Variants in CACNG3 observed in about 807,000 individuals in gnomAD.
The protein encoded by CACNG3 is voltage-dependent calcium channel gamma-3 subunit.
A neutral mutation model predicts 28.5 loss-of-function variants in CACNG3; 3 were observed. That is an observed-to-expected ratio of 0.11 (90% CI 0.05 to 0.27). The LOEUF is 0.27. Ranked by LOEUF, CACNG3 falls within the 10% of genes least tolerant of loss-of-function variation. The pLI, the probability that CACNG3 is intolerant of heterozygous loss-of-function variation, is 1.00. For missense variants in CACNG3, 236 were observed against 414.4 expected (o/e 0.57, Z 3.74); for synonymous variants, 174 against 162.2 (o/e 1.07, Z -0.55).
intron 1 of CACNG3, among the ~76,000 whole-genome samples, chr16:24,313,137 T>C (rs1347369425): frequency 6.7e-6 from 1 of 149,730 alleles, no homozygotes; most frequent in Non-Finnish European, 1.5e-5. Flanking sequence ...AAGCACTGAA[T>C]AAATAGTAAT....
intron 1 of CACNG3, among the ~76,000 whole-genome samples, chr16:24,319,065 C>T (rs939715255): frequency 2.0e-5 from 3 of 152,310 alleles, no homozygotes; most frequent in African/African-American, 7.2e-5. Flanking sequence ...CAGAGATACT[C>T]ACTTTCCATT....
chr16:24,346,454 T>C (rs1899868404), intron 1 of CACNG3, among the ~76,000 whole-genome samples: 2 of 152,296 alleles, frequency 1.3e-5, no homozygotes, highest in South Asian at 4.1e-4. Context: ...GGCACATGCC[T>C]ATAGTCCCAG....
chr16:24,270,804 T>C (rs1460521594), intron 1 of CACNG3, among the ~76,000 whole-genome samples: 3 of 152,208 alleles, frequency 2.0e-5, no homozygotes, highest in South Asian at 4.1e-4. Context: ...GATGAAATTG[T>C]AAATGGTGTG....
rs956009086 is a variant in CACNG3, at chr16:24,361,866, T to C, written c.*3T>C. 5.0e-6 allele frequency: 8 copies of C among 1,593,448 alleles called. No individual in the cohort carries two copies. Among genetic ancestry groups the C allele is most frequent in the Non-Finnish European group, 6.8e-6 (8 of 1,173,164 alleles). ...ACAGGCGCACCACGCCCGTCTGAAC[T>C]GACCTCTGACCTCTGCCCCACGCCC... On this transcript the variant is annotated 3_prime_UTR_variant, in exon 4 of 4. Transcript: ENST00000005284. The surrounding 1 kb of genome is among the most constrained non-coding windows in gnomAD (Gnocchi z 6.8).
intron 1 of CACNG3, among the ~76,000 whole-genome samples, chr16:24,261,711 C>G (rs1404617378): frequency 1.3e-5 from 2 of 152,094 alleles, no homozygotes; most frequent in Non-Finnish European, 2.9e-5. Flanking sequence ...AAACAAGGAA[C>G]TTAAAGTTAT....
chr16:24,268,360 C>A (rs1212457423), intron 1 of CACNG3, among the ~76,000 whole-genome samples: 1 of 152,164 alleles, frequency 6.6e-6, no homozygotes, highest in Non-Finnish European at 1.5e-5. Context: ...GGGATATAAA[C>A]CACAGTCTCA....
intron 1 of CACNG3, among the ~76,000 whole-genome samples, chr16:24,317,621 AGAAAGAC>A (rs1899382407): frequency 1.6e-5 from 1 of 61,356 alleles, no homozygotes; most frequent in African/African-American, 7.1e-5. Context: ...AAAGAAAGAA[AGAAAGAC>A]AGACAGAAAG....
chr16:24,343,586 G>C (rs920391965), intron 1 of CACNG3, among the ~76,000 whole-genome samples: 2 of 152,278 alleles, frequency 1.3e-5, no homozygotes, highest in East Asian at 3.9e-4. Context: ...TCAATAGTAG[G>C]GGGTAGGCTA....
At chr16:24,325,946 A>G (rs1251904658) in intron 1 of CACNG3, among the ~76,000 whole-genome samples, 1 of 152,198 alleles carries the variant, frequency 6.6e-6, no homozygotes, top group African/African-American at 2.4e-5. Flanking sequence ...TGAAATACCC[A>G]AGGTTTACCT....
chr16:24,274,201 C>CA lies in CACNG3; in HGVS notation c.211+17248dup, dbSNP rs145193156. On this transcript the variant is annotated intron_variant, in intron 1 of 3. Coordinates refer to ENST00000005284, the MANE Select transcript of CACNG3 (RefSeq NM_006539.4). ...GACTCCATCTCAAAAAAAAAAAAAA[C>CA]AAAAAAAAAAAACTCAACCTCTACT... 8.0e-3 allele frequency among the ~76,000 whole-genome samples: 1,024 copies of CA among 127,688 alleles called. 5 individuals are homozygous for CA. Among genetic ancestry groups the CA allele is most frequent in the East Asian group, 0.014 (57 of 4,004 alleles). 83.8% of individuals were successfully genotyped at this position (127,688 alleles called of 152,430 possible). A position where few individuals can be genotyped will look rare whatever the true frequency, so the allele number is the denominator to read the frequency against.
intron 1 of CACNG3, among the ~76,000 whole-genome samples, chr16:24,321,313 G>A (rs1229747078): frequency 6.6e-6 from 1 of 152,118 alleles, no homozygotes; most frequent in Non-Finnish European, 1.5e-5. Context: ...AGGGTATGGT[G>A]GCATGTGCCT....
At chr16:24,320,812 C>T (rs1018061758) in intron 1 of CACNG3, among the ~76,000 whole-genome samples, 2 of 152,172 alleles carry the variant, frequency 1.3e-5, no homozygotes, top group Non-Finnish European at 2.9e-5. Flanking sequence ...TCACTGCAGT[C>T]TCAACCCTTT....
intron 1 of CACNG3, among the ~76,000 whole-genome samples, chr16:24,318,354 G>A (rs1899414465): frequency 6.6e-6 from 1 of 152,062 alleles, no homozygotes; most frequent in African/African-American, 2.4e-5. Context: ...ACCACACCTG[G>A]CTAATTTTTG....
At chr16:24,265,834 G>T (rs1051855189) in intron 1 of CACNG3, among the ~76,000 whole-genome samples, 27 of 151,844 alleles carry the variant, frequency 1.8e-4, no homozygotes, top group African/African-American at 6.1e-4. Context: ...CCTCAATTTT[G>T]CTGCTTGGCC....
intron 1 of CACNG3, among the ~76,000 whole-genome samples, chr16:24,260,482 T>A (rs566151625): frequency 2.0e-5 from 3 of 152,150 alleles, no homozygotes; most frequent in Non-Finnish European, 4.4e-5. Flanking sequence ...CCTGGGGGAT[T>A]TACATAACTT....
At chr16:24,355,020 A>T in intron 3 of CACNG3, 47 bp downstream of exon 3, 1 of 1,581,582 alleles carries the variant, frequency 6.3e-7, no homozygotes, top group Non-Finnish European at 8.7e-7. Context: ...TACCAAACTG[A>T]AGCCAGGGCC....
chr16:24,263,649 T>C (rs966827385), intron 1 of CACNG3, among the ~76,000 whole-genome samples: 2 of 152,226 alleles, frequency 1.3e-5, no homozygotes, highest in South Asian at 2.1e-4. Flanking sequence ...TTACTGACTA[T>C]GAGACCTTGA....
chr16:24,315,501 TTTCTTTCTTTCTTTTCC>T (rs529784356), intron 1 of CACNG3, among the ~76,000 whole-genome samples: 8 of 148,230 alleles, frequency 5.4e-5, no homozygotes, highest in Non-Finnish European at 1.0e-4. Flanking sequence ...CTTTTCCTGC[TTTCTTTCTTTCTTTTCC>T]TTCTTTCTTT....
At chr16:24,317,680 G>GAAAGAA (rs1899396754) in intron 1 of CACNG3, among the ~76,000 whole-genome samples, 2 of 102,256 alleles carry the variant, frequency 2.0e-5, no homozygotes, top group South Asian at 5.8e-4. Flanking sequence ...AAGAAAGAAA[G>GAAAGAA]AAAGAAAGAA....
Sources: allele counts gnomAD v4.1 joint callset (sites outside exome capture counted in the v4.1 genomes callset), GRCh38; gene constraint gnomAD v4.1.1; non-coding constraint Gnocchi (gnomAD v3.1); transcripts MANE v1.5; gene names NCBI Gene and HGNC (gene_info 2026-07-23, HGNC 2026-07-21).